The following ALCAM variants were observed in gnomAD, a reference collection of about 807,000 sequenced individuals.
ALCAM encodes CD166 antigen.
Under a neutral mutation model 70.9 loss-of-function variants are expected in ALCAM, and 30 were observed. The ratio of observed to expected loss-of-function variants is 0.42; its 90% CI spans 0.32 to 0.57. The LOEUF (loss-of-function observed/expected upper bound fraction) is 0.57, where lower values mean the gene tolerates loss of function less well. ALCAM is among the 20% of genes least tolerant of loss of function. The probability of loss-of-function intolerance (pLI) is 0.11; values close to 1 mark genes in which losing one functional copy is unlikely to be tolerated. For synonymous variants in ALCAM, 249 were observed against 242.5 expected (o/e 1.03, Z -0.25); for missense variants, 591 against 695.1 (o/e 0.85, Z 1.68).
At chr3:105,374,539 G>A (rs191643158) in intron 1 of ALCAM, among the ~76,000 whole-genome samples, 66 of 151,886 alleles carry the variant, frequency 4.3e-4, no homozygotes, top group African/African-American at 1.5e-3. Context: ...TTTTTGAGAC[G>A]GTGTCTCGCT....
At chr3:105,474,439 G>T (rs1031783159) in intron 1 of ALCAM, among the ~76,000 whole-genome samples, 1 of 151,614 alleles carries the variant, frequency 6.6e-6, no homozygotes, top group African/African-American at 2.4e-5. Context: ...TGCATGAGAG[G>T]ATGTTCAGTC....
chr3:105,453,078 T>G (rs1275107139), intron 1 of ALCAM, among the ~76,000 whole-genome samples: 1 of 152,240 alleles, frequency 6.6e-6, no homozygotes, highest in Non-Finnish European at 1.5e-5. Context: ...TTAGTTTAAT[T>G]AGATCCCATT....
chr3:105,382,406 G>T (rs1310799349), intron 1 of ALCAM, among the ~76,000 whole-genome samples: 1 of 151,944 alleles, frequency 6.6e-6, no homozygotes, highest in Non-Finnish European at 1.5e-5. Context: ...ACATACATGT[G>T]CATGTGTCTT....
At chr3:105,435,668 C>T (rs1429788405) in intron 1 of ALCAM, among the ~76,000 whole-genome samples, 1 of 152,224 alleles carries the variant, frequency 6.6e-6, no homozygotes, top group Admixed American at 6.5e-5. Flanking sequence ...GGCCTAGAAT[C>T]CAGAGCCTAT....
intron 1 of ALCAM, among the ~76,000 whole-genome samples, chr3:105,477,827 C>T (rs1938162664): frequency 6.6e-6 from 1 of 151,948 alleles, no homozygotes; most frequent in African/African-American, 2.4e-5. Flanking sequence ...TTTACTGATT[C>T]TTCAGTCATT....
intron 1 of ALCAM, among the ~76,000 whole-genome samples, chr3:105,435,718 G>A (rs1430513368): frequency 6.6e-6 from 1 of 152,200 alleles, no homozygotes; most frequent in Non-Finnish European, 1.5e-5. Context: ...CTTCACTTGT[G>A]TATTAGTCCA....
rs909386343 is a variant in ALCAM at position 105,518,432 on chromosome 3, C to A, written c.74-1635C>A. ...TATGAACAAGACTTAATACACACAG[C>A]AGAAATTCCACATTTAGGAGCCAAA... On this transcript the variant is annotated intron_variant, in intron 1 of 15. Coordinates refer to ENST00000306107, the MANE Select transcript of ALCAM (RefSeq NM_001627.4). 5.3e-5 allele frequency among the ~76,000 whole-genome samples: 8 copies of A among 152,178 alleles called. No homozygotes were observed. The East Asian group carries it at 1.5e-3, about 29-fold the overall frequency.
chr3:105,477,513 C>T (rs1443805071), intron 1 of ALCAM, among the ~76,000 whole-genome samples: 3 of 151,924 alleles, frequency 2.0e-5, no homozygotes, highest in African/African-American at 7.3e-5. Flanking sequence ...TTTCTCTTGC[C>T]CATTTTAATA....
Position 105,571,864 on chromosome 3 carries a change from A to ACATG in ALCAM, c.1678_1681dup (p.Val561AlafsTer8), listed in dbSNP as rs1940866909. On this transcript the variant is annotated frameshift_variant, in exon 15 of 16. Transcript: ENST00000306107. LOFTEE classifies it high-confidence loss of function. ...AATTCTCTTACAGGACTGCATCAAA[A>ACATG]CATGTAAACAAGGACCTCGGTAATA... is the stretch of plus-strand genomic sequence containing the variant. 1 of 1,611,694 alleles carries ACATG rather than the reference A, an allele frequency of 6.2e-7. No individual in the cohort carries two copies. Among genetic ancestry groups the ACATG allele is most frequent in the Non-Finnish European group, 8.5e-7 (1 of 1,178,310 alleles).
intron 1 of ALCAM, among the ~76,000 whole-genome samples, chr3:105,374,955 T>C (rs1935340843): frequency 6.6e-6 from 1 of 152,328 alleles, no homozygotes; most frequent in South Asian, 2.1e-4. Flanking sequence ...AGAATTCATC[T>C]TTAAAAGATG....
chr3:105,422,536 T>G (rs773724731), intron 1 of ALCAM, among the ~76,000 whole-genome samples: 1 of 151,450 alleles, frequency 6.6e-6, no homozygotes, highest in Non-Finnish European at 1.5e-5. Context: ...AGTGTACTCT[T>G]CCAGACCACA....
intron 1 of ALCAM, among the ~76,000 whole-genome samples, chr3:105,437,238 G>A (rs1237846404): frequency 6.6e-6 from 1 of 152,102 alleles, no homozygotes; most frequent in Non-Finnish European, 1.5e-5. Flanking sequence ...GCTCAAAGTT[G>A]CTAAAGTTTT....
At chr3:105,407,502 A>G (rs144057106) in intron 1 of ALCAM, among the ~76,000 whole-genome samples, 2,043 of 152,254 alleles carry the variant, frequency 0.013, 27 homozygotes, top group Non-Finnish European at 0.021. Flanking sequence ...CAGAAAAGGC[A>G]TTTGACAAAA....
At chr3:105,468,569 G>A (rs1172705925) in intron 1 of ALCAM, among the ~76,000 whole-genome samples, 1 of 151,286 alleles carries the variant, frequency 6.6e-6, no homozygotes, top group Non-Finnish European at 1.5e-5. Context: ...TGAAGAAGAT[G>A]GTGGTTTCAT....
At chr3:105,485,373 C>T (rs1432625957) in intron 1 of ALCAM, among the ~76,000 whole-genome samples, 1 of 129,374 alleles carries the variant, frequency 7.7e-6, no homozygotes, top group Non-Finnish European at 1.6e-5. Flanking sequence ...GACAGAACTA[C>T]ATTGTGTGTG....
intron 14 of ALCAM, among the ~76,000 whole-genome samples, chr3:105,556,558 AC>A (rs1940521382): frequency 6.6e-6 from 1 of 151,988 alleles, no homozygotes; most frequent in Non-Finnish European, 1.5e-5. Context: ...TTGGAAGAAA[AC>A]AGAGACAATC....
chr3:105,410,833 AC>A (rs1936368865), intron 1 of ALCAM, among the ~76,000 whole-genome samples: 1 of 78,004 alleles, frequency 1.3e-5, no homozygotes, highest in Non-Finnish European at 2.6e-5. Flanking sequence ...ATTGTGGGGC[AC>A]TTTGAAAATA....
intron 15 of ALCAM, among the ~76,000 whole-genome samples, chr3:105,573,235 G>A (rs1256755644): frequency 6.6e-6 from 1 of 152,116 alleles, no homozygotes; most frequent in Non-Finnish European, 1.5e-5. Context: ...GCTGAGGCAG[G>A]GGAATCACTT....
chr3:105,497,806 C>T (rs529118273), intron 1 of ALCAM, among the ~76,000 whole-genome samples: 23 of 152,028 alleles, frequency 1.5e-4, no homozygotes, highest in Non-Finnish European at 3.1e-4. Context: ...CCGAGGCGGG[C>T]GGATCACGAG....
Sources: allele counts gnomAD v4.1 joint callset (sites outside exome capture counted in the v4.1 genomes callset), GRCh38; gene constraint gnomAD v4.1.1; transcripts MANE v1.5; gene names NCBI Gene and HGNC (gene_info 2026-07-23, HGNC 2026-07-21).